Variants in ENOX1 observed in about 807,000 individuals in gnomAD.
ENOX1 encodes the protein ecto-NOX disulfide-thiol exchanger 1.
In ENOX1, 42 loss-of-function variants were observed where a neutral mutation model predicts 82.5. That is an observed-to-expected ratio of 0.51 (90% CI 0.40 to 0.66). The LOEUF (loss-of-function observed/expected upper bound fraction) is 0.66, where lower values mean the gene tolerates loss of function less well. Ranked by LOEUF, ENOX1 falls within the 30% of genes least tolerant of loss-of-function variation. The pLI is 0.00. For missense variants in ENOX1, 608 were observed against 811.6 expected, an observed-to-expected ratio of 0.75 and a Z score of 3.05; for synonymous variants, 271 against 282.2, an observed-to-expected ratio of 0.96 and a Z score of 0.40.
intron 1 of ENOX1, among the ~76,000 whole-genome samples, chr13:43,671,838 A>T (rs894144754): frequency 6.6e-6 from 1 of 152,196 alleles, no homozygotes; most frequent in Admixed American, 6.5e-5. Flanking sequence ...CAAGAGCGAG[A>T]TAGCAAGTCA....
intron 11 of ENOX1, among the ~76,000 whole-genome samples, chr13:43,319,257 A>C (rs571545266): frequency 6.6e-6 from 1 of 152,294 alleles, no homozygotes; most frequent in African/African-American, 2.4e-5. Flanking sequence ...TTTTATCAGC[A>C]TCTTAGTTTT....
Position 43,298,510 on chromosome 13 carries a change from C to A in ENOX1, c.1282G>T (p.Ala428Ser), listed in dbSNP as rs776535217. The A allele has an allele frequency of 1.2e-6, 2 of 1,612,992 alleles. No individual in the cohort carries two copies. The highest frequency in any genetic ancestry group is 1.7e-6 in the Non-Finnish European group (2 of 1,179,746). The change falls in exon 12 of 17, where the codon GCT becomes TCT. Residue 428 changes from alanine (A) to serine (S), a missense_variant. By Grantham distance (99) the Ala-to-Ser change is moderately conservative (BLOSUM62 1). Transcript: ENST00000690772. ...DESALAAQAY[A>S]LKEENDSLRW... The stretch of plus-strand genomic sequence containing the variant: ...AGACTGTCATTCTCCTCTTTCAGAG[C>A]GTAGGCCTGGGCAGCCAGGGCTGAG...
chr13:43,584,872 T>G (rs893746806), intron 2 of ENOX1, among the ~76,000 whole-genome samples: 3 of 152,082 alleles, frequency 2.0e-5, no homozygotes, highest in Admixed American at 6.5e-5. Flanking sequence ...AAAATCTCCA[T>G]CCGCAGGCAA....
intron 5 of ENOX1, among the ~76,000 whole-genome samples, chr13:43,405,743 T>G (rs1241050408): frequency 1.3e-5 from 2 of 152,212 alleles, no homozygotes; most frequent in Non-Finnish European, 2.9e-5. Context: ...ATTACTGCCA[T>G]CACTGTCTCT....
At chr13:43,557,019 G>A (rs1340896215) in intron 2 of ENOX1, among the ~76,000 whole-genome samples, 1 of 152,250 alleles carries the variant, frequency 6.6e-6, no homozygotes, top group African/African-American at 2.4e-5. Flanking sequence ...GGGCAAGCCA[G>A]TGCAGGCACA....
chr13:43,357,117 T>A (rs2153557636), intron 7 of ENOX1, among the ~76,000 whole-genome samples: 1 of 152,254 alleles, frequency 6.6e-6, no homozygotes, highest in South Asian at 2.1e-4. Flanking sequence ...GGTACTCAGA[T>A]TTTCAGAACA....
At chr13:43,433,520 ATCTAATAGTGC>A (rs970781556) in intron 3 of ENOX1, among the ~76,000 whole-genome samples, 3 of 152,206 alleles carry the variant, frequency 2.0e-5, no homozygotes, top group African/African-American at 7.2e-5. Context: ...ATTGCTGTGA[ATCTAATAGTGC>A]TCTAAAAGAA....
intron 3 of ENOX1, among the ~76,000 whole-genome samples, chr13:43,422,896 AT>A (rs1426164711): frequency 6.6e-6 from 1 of 152,224 alleles, no homozygotes; most frequent in Non-Finnish European, 1.5e-5. Flanking sequence ...AACAAAAAAA[AT>A]CTTGAGACCT....
intron 2 of ENOX1, among the ~76,000 whole-genome samples, chr13:43,496,714 A>G (rs957675786): frequency 1.3e-5 from 2 of 152,138 alleles, no homozygotes; most frequent in Non-Finnish European, 2.9e-5. Flanking sequence ...TCCTATATGT[A>G]ACAAAATTGC....
At chr13:43,322,329 A>ATTCCC in intron 11 of ENOX1, 55 bp downstream of exon 11, 3 of 1,378,852 alleles carry the variant, frequency 2.2e-6, no homozygotes, top group Non-Finnish European at 2.0e-6. Context: ...TCCCCATCTG[A>ATTCCC]GATTTGGAAG....
At chr13:43,528,250 C>G (rs958185742) in intron 2 of ENOX1, among the ~76,000 whole-genome samples, 19 of 152,108 alleles carry the variant, frequency 1.2e-4, no homozygotes, top group African/African-American at 4.3e-4. Flanking sequence ...CAGAAGCCAA[C>G]AGAGAATATG....
At chr13:43,702,770 G>C (rs1171375363) in intron 1 of ENOX1, among the ~76,000 whole-genome samples, 1 of 151,896 alleles carries the variant, frequency 6.6e-6, no homozygotes, top group Non-Finnish European at 1.5e-5. Flanking sequence ...GGCCAACATG[G>C]TGAAACCCCA....
chr13:43,483,824 A>T (rs2058597108), intron 3 of ENOX1, among the ~76,000 whole-genome samples, 185 bp downstream of exon 3: 1 of 152,218 alleles, frequency 6.6e-6, no homozygotes, highest in Admixed American at 6.5e-5. Flanking sequence ...CAGGGTATAC[A>T]TAAATAAGTA....
chr13:43,732,023 A>G (rs1336525849), intron 1 of ENOX1, among the ~76,000 whole-genome samples: 1 of 152,220 alleles, frequency 6.6e-6, no homozygotes, highest in African/African-American at 2.4e-5. Flanking sequence ...ATTAAAATCA[A>G]TATTAACAGC....
At chr13:43,509,551 C>G (rs967469586) in intron 2 of ENOX1, among the ~76,000 whole-genome samples, 4 of 152,078 alleles carry the variant, frequency 2.6e-5, no homozygotes, top group Admixed American at 2.6e-4. Flanking sequence ...TGGAATACAT[C>G]TGATGTAGCA....
At chr13:43,233,793 T>C (rs964295956) in intron 15 of ENOX1, among the ~76,000 whole-genome samples, 1 of 152,214 alleles carries the variant, frequency 6.6e-6, no homozygotes, top group Non-Finnish European at 1.5e-5. Context: ...CCAATTAATG[T>C]TTCCAAGTTG....
chr13:43,447,356 G>A (rs990971639), intron 3 of ENOX1, among the ~76,000 whole-genome samples: 1 of 152,136 alleles, frequency 6.6e-6, no homozygotes, highest in African/African-American at 2.4e-5. Flanking sequence ...CAGTGTGGAT[G>A]AGCAGGACAT....
In ENOX1 at chr13:43,600,128, C is replaced by T. The variant is rs78512272; in HGVS notation, c.-219+67351G>A. 2.6e-3 allele frequency among the ~76,000 whole-genome samples: 388 copies of T among 152,152 alleles called. 3 individuals are homozygous for T. The highest frequency in any genetic ancestry group is 9.0e-3 in the African/African-American group (375 of 41,526). ...AGTGGCTATGGGGAAGGACCCCTTA[C>T]GCTTGAGAAAAGGAAAGGGAAGAGT... is the stretch of plus-strand genomic sequence containing the variant. On this transcript the variant is annotated intron_variant, in intron 2 of 16. Coordinates refer to ENST00000690772, the MANE Select transcript of ENOX1 (RefSeq NM_001347969.2).
At chr13:43,591,285 A>G (rs2081234822) in intron 2 of ENOX1, among the ~76,000 whole-genome samples, 1 of 152,218 alleles carries the variant, frequency 6.6e-6, no homozygotes, top group Non-Finnish European at 1.5e-5. Context: ...TAGTCATACA[A>G]TGGAATATTT....
Sources: gnomAD v4.1 joint callset for allele counts (sites outside exome capture counted in the v4.1 genomes callset) on GRCh38, gnomAD v4.1.1 for gene constraint, MANE v1.5 for transcripts, NCBI Gene and HGNC (gene_info 2026-07-23, HGNC 2026-07-21) for gene names.